NALF1: variants seen among roughly 807,000 people sequenced by gnomAD.
The protein encoded by NALF1 is NALCN channel auxiliary factor 1.
Under a neutral mutation model 48.4 loss-of-function variants are expected in NALF1, and 3 were observed. The ratio of observed to expected loss-of-function variants is 0.06; its 90% CI spans 0.03 to 0.16. The LOEUF (loss-of-function observed/expected upper bound fraction) is 0.16. NALF1 is among the 10% of genes least tolerant of loss of function. The pLI is 1.00. For synonymous variants in NALF1, 262 were observed against 245.7 expected (o/e 1.07, Z -0.62); for missense variants, 526 against 571.5 (o/e 0.92, Z 0.81).
intron 1 of NALF1, among the ~76,000 whole-genome samples, chr13:107,391,304 A>C (rs1035246024): frequency 5.9e-5 from 9 of 152,114 alleles, no homozygotes; most frequent in Non-Finnish European, 8.8e-5. Flanking sequence ...CCTACAAACC[A>C]TAAATTCTCA....
chr13:107,806,101 C>T (rs1453934450), intron 1 of NALF1, among the ~76,000 whole-genome samples: 1 of 152,120 alleles, frequency 6.6e-6, no homozygotes, highest in African/African-American at 2.4e-5. Context: ...AGCATATAAA[C>T]CTCGAAGTGA....
At chr13:107,481,684 G>A (rs141297003) in intron 1 of NALF1, among the ~76,000 whole-genome samples, 30 of 152,190 alleles carry the variant, frequency 2.0e-4, no homozygotes, top group African/African-American at 7.0e-4. Flanking sequence ...AAAATCCAAG[G>A]GGGAGGAGTG....
chr13:107,571,869 A>G (rs1877994911), intron 1 of NALF1, among the ~76,000 whole-genome samples: 1 of 152,176 alleles, frequency 6.6e-6, no homozygotes. Flanking sequence ...ATATGAGTAG[A>G]AGTGTTATGT....
intron 1 of NALF1, among the ~76,000 whole-genome samples, chr13:107,365,818 C>T (rs1437612906): frequency 6.6e-6 from 1 of 152,194 alleles, no homozygotes; most frequent in Non-Finnish European, 1.5e-5. Context: ...TACCCTCAAA[C>T]TGCACTAAAA....
chr13:107,290,650 C>T (rs146381733), intron 1 of NALF1, among the ~76,000 whole-genome samples: 1 of 152,234 alleles, frequency 6.6e-6, no homozygotes, highest in African/African-American at 2.4e-5. Context: ...TATCCAGTCT[C>T]GCGGGTATGT....
At chr13:107,409,168 C>A (rs1883948590) in intron 1 of NALF1, among the ~76,000 whole-genome samples, 1 of 152,106 alleles carries the variant, frequency 6.6e-6, no homozygotes, top group African/African-American at 2.4e-5. Context: ...GAAAGATTAA[C>A]CACCCAACCA....
chr13:107,742,817 A>G (rs1339648388), intron 1 of NALF1, among the ~76,000 whole-genome samples: 1 of 152,200 alleles, frequency 6.6e-6, no homozygotes, highest in East Asian at 1.9e-4. Context: ...CCCCCAGCAG[A>G]GGGTCTGGCA....
rs1223060997 is a variant in NALF1, at chr13:107,288,365, A to G, written c.916-77610T>C. Among the ~76,000 whole-genome samples, 93 of 149,680 alleles carry G rather than the reference A, an allele frequency of 6.2e-4. No individual in the cohort carries two copies. In the South Asian group the frequency reaches 6.3e-3, roughly 10 times the overall value. ...CTCCCGAGTAGCTGGGATTACAGGC[A>G]CCCGCCACCACAGCCAGCTAATTTT... On this transcript the variant is annotated intron_variant, in intron 1 of 2. Coordinates refer to ENST00000375915, the MANE Select transcript of NALF1 (RefSeq NM_001080396.3).
At chr13:107,386,223 C>A (rs1475283849) in intron 1 of NALF1, among the ~76,000 whole-genome samples, 1 of 152,162 alleles carries the variant, frequency 6.6e-6, no homozygotes, top group Non-Finnish European at 1.5e-5. Context: ...TTCAGAATGT[C>A]TTTTCCTATA....
At chr13:107,396,159 C>T (rs1019814125) in intron 1 of NALF1, among the ~76,000 whole-genome samples, 12 of 152,082 alleles carry the variant, frequency 7.9e-5, no homozygotes, top group South Asian at 6.2e-4. Context: ...CAGAAAGAGA[C>T]ATTTTGTGTC....
chr13:107,408,934 C>T (rs1475195225), intron 1 of NALF1, among the ~76,000 whole-genome samples: 1 of 152,216 alleles, frequency 6.6e-6, no homozygotes, highest in African/African-American at 2.4e-5. Context: ...AATGTACCAA[C>T]TATTTATAGA....
intron 1 of NALF1, among the ~76,000 whole-genome samples, chr13:107,769,553 G>A (rs150353782): frequency 0.048 from 5,227 of 109,476 alleles, 122 homozygotes; most frequent in Middle Eastern, 0.11. Flanking sequence ...GGTGGGGGGA[G>A]GGGGGAGGGA....
At chr13:107,360,957 C>T (rs889253262) in intron 1 of NALF1, among the ~76,000 whole-genome samples, 4 of 151,994 alleles carry the variant, frequency 2.6e-5, no homozygotes, top group African/African-American at 9.7e-5. Flanking sequence ...TCACTGATTG[C>T]TTATCAGTGA....
intron 1 of NALF1, among the ~76,000 whole-genome samples, chr13:107,782,571 C>A (rs557391004): frequency 5.3e-4 from 81 of 151,460 alleles, no homozygotes; most frequent in Admixed American, 4.6e-3. Context: ...AAGTGAGGAG[C>A]GTCTCTGCCC....
chr13:107,424,185 TGAA>T (rs1294153013), intron 1 of NALF1, among the ~76,000 whole-genome samples: 2 of 152,196 alleles, frequency 1.3e-5, no homozygotes, highest in Non-Finnish European at 2.9e-5. Context: ...TTGCCCAGGC[TGAA>T]GTGCAGAGGT....
At chr13:107,689,319 A>G (rs1157246040) in intron 1 of NALF1, among the ~76,000 whole-genome samples, 1 of 152,058 alleles carries the variant, frequency 6.6e-6, no homozygotes, top group Non-Finnish European at 1.5e-5. Flanking sequence ...CTCAGATGCT[A>G]CTGACTACGT....
intron 1 of NALF1, among the ~76,000 whole-genome samples, chr13:107,312,434 AG>A (rs1882065654): frequency 6.8e-6 from 1 of 147,540 alleles, no homozygotes; most frequent in Non-Finnish European, 1.5e-5. Context: ...GGGTGGGGGA[AG>A]GGGGGAGGGA....
chr13:107,195,916 G>C (rs968740196), intron 2 of NALF1, among the ~76,000 whole-genome samples: 2 of 152,102 alleles, frequency 1.3e-5, no homozygotes, highest in African/African-American at 4.8e-5. Flanking sequence ...ATCATCAATG[G>C]TAGGCTAGAT....
intron 1 of NALF1, among the ~76,000 whole-genome samples, chr13:107,822,131 A>C (rs888973612): frequency 4.7e-4 from 71 of 152,046 alleles, no homozygotes; most frequent in African/African-American, 1.5e-3. Context: ...CTTTTTACTT[A>C]ATAAAAAGCC....
Sources: gnomAD v4.1 joint callset for allele counts (sites outside exome capture counted in the v4.1 genomes callset) on GRCh38, gnomAD v4.1.1 for gene constraint, MANE v1.5 for transcripts, NCBI Gene and HGNC (gene_info 2026-07-23, HGNC 2026-07-21) for gene names.